The following ARMH3 variants were observed in gnomAD, a reference collection of about 807,000 sequenced individuals.
ARMH3 encodes armadillo like helical domain containing 3.
Under a neutral mutation model 99.1 loss-of-function variants are expected in ARMH3, and 60 were observed. That is an observed-to-expected ratio of 0.61 (90% confidence interval 0.49 to 0.75). The LOEUF is 0.75. ARMH3 is among the 30% of genes least tolerant of loss of function. ARMH3 has a pLI of 0.00. For synonymous variants in ARMH3, 285 were observed against 292.8 expected, an observed-to-expected ratio of 0.97 and a Z score of 0.27; for missense variants, 679 against 843.1, an observed-to-expected ratio of 0.81 and a Z score of 2.41.
Position 102,052,945 on chromosome 10 carries a change from TCTA to T in ARMH3, c.-12+3137_-12+3139del, listed in dbSNP as rs149628082. The stretch of plus-strand genomic sequence containing the variant: ...CATACCCTAACCTTTGGAAACCTGC[TCTA>T]CTTTTTCTAATCCATATCCTGTCAA... On this transcript the variant is annotated intron_variant, in intron 1 of 25. Coordinates refer to ENST00000370033, the MANE Select transcript of ARMH3 (RefSeq NM_024541.3). 9.3e-3 allele frequency among the ~76,000 whole-genome samples: 1,410 copies of T among 152,048 alleles called. 16 individuals are homozygous for T. The highest frequency in any genetic ancestry group is 0.029 in the African/African-American group (1,223 of 41,470).
chr10:101,918,008 T>C (rs1351978587), intron 23 of ARMH3, among the ~76,000 whole-genome samples: 1 of 152,200 alleles, frequency 6.6e-6, no homozygotes, highest in East Asian at 1.9e-4. Context: ...AATTTTCAAT[T>C]GAGCCAAGAA....
intron 23 of ARMH3, among the ~76,000 whole-genome samples, chr10:101,935,990 G>A (rs536594170): frequency 6.6e-5 from 10 of 152,082 alleles, no homozygotes; most frequent in Non-Finnish European, 4.4e-5. Flanking sequence ...AGCTATTAGC[G>A]AAAGGCAAAG....
intron 24 of ARMH3, among the ~76,000 whole-genome samples, chr10:101,882,700 A>G (rs973239673): frequency 6.6e-6 from 1 of 152,114 alleles, no homozygotes; most frequent in African/African-American, 2.4e-5. Context: ...GGGTTTCAAC[A>G]TGTTGGCCAG....
intron 23 of ARMH3, among the ~76,000 whole-genome samples, chr10:101,910,027 T>C (rs1468408359): frequency 6.6e-6 from 1 of 152,220 alleles, no homozygotes; most frequent in Non-Finnish European, 1.5e-5. Context: ...TAGACCTTGT[T>C]GCAAAAACGC....
intron 1 of ARMH3, among the ~76,000 whole-genome samples, chr10:102,045,077 A>C (rs1365734630): frequency 6.8e-6 from 1 of 146,506 alleles, no homozygotes; most frequent in Non-Finnish European, 1.5e-5. Flanking sequence ...CAAAGGTTGC[A>C]GTGAGCTAAC....
chr10:101,896,354 AAGGTCC>A (rs1367249229), intron 23 of ARMH3, among the ~76,000 whole-genome samples: 2 of 152,228 alleles, frequency 1.3e-5, no homozygotes, highest in Non-Finnish European at 2.9e-5. Flanking sequence ...ATTTATAGGA[AAGGTCC>A]AGAATATGCA....
intron 22 of ARMH3, among the ~76,000 whole-genome samples, chr10:101,955,078 T>A (rs1239713645): frequency 1.3e-5 from 2 of 152,188 alleles, no homozygotes; most frequent in Non-Finnish European, 2.9e-5. Context: ...TTCTACATTC[T>A]CAGGAAGTTG....
intron 2 of ARMH3, among the ~76,000 whole-genome samples, chr10:102,039,278 G>A (rs571610014): frequency 6.2e-4 from 94 of 152,106 alleles, no homozygotes; most frequent in African/African-American, 2.2e-3. Flanking sequence ...CCGAATAGCT[G>A]AGATTACAGG....
chr10:101,952,824 T>C (rs1461041753), intron 22 of ARMH3: 1 of 152,250 alleles, frequency 6.6e-6, no homozygotes, highest in Non-Finnish European at 1.5e-5. Flanking sequence ...TAAGCAACTC[T>C]CTTTGTCTCC....
At chr10:102,022,755 T>C (rs1255458503) in intron 8 of ARMH3, among the ~76,000 whole-genome samples, 2 of 150,112 alleles carry the variant, frequency 1.3e-5, no homozygotes, top group South Asian at 2.1e-4. Flanking sequence ...TAATTTTTTG[T>C]ATTTTTAGTA....
In ARMH3 at chr10:101,847,495, G is replaced by C; in HGVS notation, c.*33C>G. The C allele has an allele frequency of 6.3e-7, 1 of 1,598,462 alleles. No individual in the cohort carries two copies. Among genetic ancestry groups the C allele is most frequent in the Non-Finnish European group, 8.6e-7 (1 of 1,165,848 alleles). ...TCCAGCCCATGATCCTCATGGGTAA[G>C]GGCAGTCAGAGGCTGCTCAGGTAGG... On this transcript the variant is annotated 3_prime_UTR_variant, in exon 26 of 26. Transcript: ENST00000370033.
intron 16 of ARMH3, 112 bp from the exon 17 acceptor site, chr10:101,993,715 T>G (rs1846918020): frequency 1.5e-6 from 1 of 687,128 alleles, no homozygotes; most frequent in African/African-American, 1.8e-5. Flanking sequence ...AAGGATCAGC[T>G]GGACAGCTAA....
chr10:102,040,369 G>A (rs890422663), intron 1 of ARMH3, among the ~76,000 whole-genome samples: 6 of 152,182 alleles, frequency 3.9e-5, no homozygotes, highest in Admixed American at 6.6e-5. Flanking sequence ...GGAAGCAGAC[G>A]TATGGGCTAT....
At chr10:101,914,773 G>A (rs1843006104) in intron 23 of ARMH3, among the ~76,000 whole-genome samples, 1 of 149,990 alleles carries the variant, frequency 6.7e-6, no homozygotes, top group Non-Finnish European at 1.5e-5. Context: ...GGCTGAGGCA[G>A]GAGAATCGCT....
chr10:101,856,812 G>A (rs903286343), intron 24 of ARMH3, among the ~76,000 whole-genome samples: 3 of 152,144 alleles, frequency 2.0e-5, no homozygotes, highest in Admixed American at 1.3e-4. Flanking sequence ...ACACAAACAA[G>A]AGCATCACCA....
chr10:101,982,021 CAAAAAAAA>C, intron 19 of ARMH3, among the ~76,000 whole-genome samples: 1 of 58,996 alleles, frequency 1.7e-5, no homozygotes, highest in South Asian at 7.3e-4. Context: ...GACTCTATCT[CAAAAAAAA>C]AAAAAAAAAA....
At chr10:101,982,719 T>C (rs1177392472) in intron 19 of ARMH3, among the ~76,000 whole-genome samples, 1 of 152,076 alleles carries the variant, frequency 6.6e-6, no homozygotes, top group Non-Finnish European at 1.5e-5. Context: ...GAACTGCGCA[T>C]GCAAGGGATC....
At chr10:102,055,651 C>G (rs571625654) in intron 1 of ARMH3, among the ~76,000 whole-genome samples, 13 of 152,310 alleles carry the variant, frequency 8.5e-5, no homozygotes, top group Admixed American at 2.0e-4. Flanking sequence ...CTGAAGACTT[C>G]GCACAAACCC....
At chr10:101,876,202 T>C (rs1486797100) in intron 24 of ARMH3, among the ~76,000 whole-genome samples, 1 of 126,398 alleles carries the variant, frequency 7.9e-6, no homozygotes, top group Non-Finnish European at 1.5e-5. Flanking sequence ...TAAGCTGAGA[T>C]AGCGCCACTG....
Sources: gnomAD v4.1 joint callset for allele counts (sites outside exome capture counted in the v4.1 genomes callset) on GRCh38, gnomAD v4.1.1 for gene constraint, MANE v1.5 for transcripts, NCBI Gene and HGNC (gene_info 2026-07-23, HGNC 2026-07-21) for gene names.